The following BRD10 variants were observed in gnomAD, a reference collection of about 807,000 sequenced individuals.
BRD10 encodes bromodomain containing 10, also known as uncharacterized bromodomain-containing protein 10.
At chr9:5,938,059 T>A in the BRD10 span, among the ~76,000 whole-genome samples, 1 of 152,206 alleles carries the variant, frequency 6.6e-6, no homozygotes, top group Non-Finnish European at 1.5e-5. Flanking sequence ...TATAAACATG[T>A]AATTAAGGGA....
At chr9:5,922,964 G>C in the BRD10 span, 1 of 1,613,988 alleles carries the variant, frequency 6.2e-7, no homozygotes, top group Non-Finnish European at 8.5e-7. Flanking sequence ...AATATTCTTT[G>C]CAAGCAAAGC....
chr9:5,955,731 C>T, the BRD10 span, among the ~76,000 whole-genome samples: 2 of 149,340 alleles, frequency 1.3e-5, no homozygotes, highest in Admixed American at 6.6e-5. Context: ...ATTAAAATAA[C>T]CCAACATATA....
At chr9:5,893,040 C>T in the BRD10 span, among the ~76,000 whole-genome samples, 2 of 152,106 alleles carry the variant, frequency 1.3e-5, no homozygotes, top group Non-Finnish European at 1.5e-5. Context: ...ATAACTTTAT[C>T]CTAAGGAAAG....
At chr9:5,971,258 T>C in the BRD10 span, among the ~76,000 whole-genome samples, 1 of 152,052 alleles carries the variant, frequency 6.6e-6, no homozygotes. Context: ...AGACAGATAG[T>C]AGTAACAAGT....
At chr9:5,967,564 G>GA in the BRD10 span, among the ~76,000 whole-genome samples, 1 of 151,562 alleles carries the variant, frequency 6.6e-6, no homozygotes, top group Non-Finnish European at 1.5e-5. Context: ...CATGATGTGG[G>GA]AAAAAACAGA....
At chr9:5,899,526 A>C in the BRD10 span, among the ~76,000 whole-genome samples, 3 of 152,172 alleles carry the variant, frequency 2.0e-5, no homozygotes, top group Non-Finnish European at 2.9e-5. Context: ...GGAGTTGATG[A>C]ATCTGAACAA....
the BRD10 span, among the ~76,000 whole-genome samples, chr9:5,888,227 C>T: frequency 3.3e-5 from 5 of 151,976 alleles, no homozygotes; most frequent in Non-Finnish European, 7.4e-5. Context: ...CTGTTGTGTC[C>T]CACTGAAATG....
the BRD10 span, among the ~76,000 whole-genome samples, chr9:5,942,006 G>T: frequency 6.6e-6 from 1 of 151,744 alleles, no homozygotes; most frequent in African/African-American, 2.4e-5. Flanking sequence ...TTTATAAAAA[G>T]AAATATTTTA....
the BRD10 span, among the ~76,000 whole-genome samples, chr9:5,991,715 A>T: frequency 6.5e-5 from 9 of 137,436 alleles, no homozygotes; most frequent in South Asian, 2.4e-4. Flanking sequence ...ACAGAGAAAG[A>T]CTCTGTCTTA....
At chr9:5,942,439 G>A in the BRD10 span, among the ~76,000 whole-genome samples, 2 of 152,002 alleles carry the variant, frequency 1.3e-5, no homozygotes, top group Non-Finnish European at 2.9e-5. Context: ...ATAACATAAC[G>A]TAACATACAT....
chr9:5,989,426 CAAA>C, the BRD10 span, among the ~76,000 whole-genome samples: 4 of 72,924 alleles, frequency 5.5e-5, no homozygotes, highest in African/African-American at 5.0e-5. Context: ...GTTCCTACCT[CAAA>C]AAAAAAAAAA....
At chr9:5,951,249 C>CTT in the BRD10 span, among the ~76,000 whole-genome samples, 1 of 151,586 alleles carries the variant, frequency 6.6e-6, no homozygotes, top group African/African-American at 2.4e-5. Context: ...CAAGTTCTAG[C>CTT]TTTAAAAAAA....
the BRD10 span, among the ~76,000 whole-genome samples, chr9:5,918,167 T>C: frequency 1.6e-4 from 24 of 152,282 alleles, no homozygotes; most frequent in African/African-American, 5.8e-4. Flanking sequence ...AGAGCATAAA[T>C]AGCGGTTTCT....
At chr9:5,977,472 A>G in the BRD10 span, among the ~76,000 whole-genome samples, 1 of 152,214 alleles carries the variant, frequency 6.6e-6, no homozygotes, top group Non-Finnish European at 1.5e-5. Context: ...CCTGCTGAAG[A>G]TCTCTAGAGT....
At chr9:5,940,540 T>C in the BRD10 span, among the ~76,000 whole-genome samples, 1 of 152,192 alleles carries the variant, frequency 6.6e-6, no homozygotes, top group African/African-American at 2.4e-5. Flanking sequence ...ATTTCCGTAT[T>C]GTAAAAATGA....
the BRD10 span, among the ~76,000 whole-genome samples, chr9:5,979,689 T>C: frequency 2.0e-5 from 3 of 152,068 alleles, no homozygotes; most frequent in Non-Finnish European, 4.4e-5. Flanking sequence ...GGAGAACCAA[T>C]TGCCAATTTT....
At chr9:5,931,965 T>C in the BRD10 span, among the ~76,000 whole-genome samples, 1 of 152,194 alleles carries the variant, frequency 6.6e-6, no homozygotes, top group Non-Finnish European at 1.5e-5. Flanking sequence ...CTGTTTTATG[T>C]ATCATCTGCT....
chr9:5,994,706 C>G, the BRD10 span, among the ~76,000 whole-genome samples: 7 of 152,246 alleles, frequency 4.6e-5, no homozygotes, highest in South Asian at 1.5e-3. Context: ...TGTAGCCTCT[C>G]TCTTAAATCT....
At chr9:5,913,307 T>C in the BRD10 span, among the ~76,000 whole-genome samples, 2 of 152,164 alleles carry the variant, frequency 1.3e-5, no homozygotes, top group Admixed American at 1.3e-4. Flanking sequence ...ATTGCAGACC[T>C]TCTCAAAAAA....
Sources: gnomAD v4.1 joint callset for allele counts (sites outside exome capture counted in the v4.1 genomes callset) on GRCh38, gnomAD v4.1.1 for gene constraint, MANE v1.5 for transcripts, NCBI Gene and HGNC (gene_info 2026-07-23, HGNC 2026-07-21) for gene names.